HAO1: variants seen among roughly 807,000 people sequenced by gnomAD.
HAO1 encodes the protein hydroxyacid oxidase 1, also known as 2-Hydroxyacid oxidase 1.
In HAO1, 34 loss-of-function variants were observed where a neutral mutation model predicts 39.7. The ratio of observed to expected loss-of-function variants is 0.86; its 90% CI spans 0.65 to 1.14. The LOEUF is 1.14. Ranked by LOEUF, HAO1 falls within the 50% of genes most tolerant of loss-of-function variation. The pLI is 0.00. For synonymous variants in HAO1, 172 were observed against 173.2 expected (o/e 0.99, Z 0.05); for missense variants, 479 against 464.5 (o/e 1.03, Z -0.29).
chr20:7,925,405 T>C (rs1407936018), intron 2 of HAO1, among the ~76,000 whole-genome samples: 1 of 152,160 alleles, frequency 6.6e-6, no homozygotes, highest in East Asian at 1.9e-4. Flanking sequence ...TTTTTACTTA[T>C]GAAAATATTT....
In HAO1 at chr20:7,885,805, G is replaced by A. The variant is rs770281323; in HGVS notation, c.873C>T (p.Asp291=). Reference sequence around the variant, plus strand: ...CATCAGTGCCTTTCCGCACACCCCCGTCCAGGAAGACTTCCACCTTCCCTT... The same window carrying A: ...CATCAGTGCCTTTCCGCACACCCCCATCCAGGAAGACTTCCACCTTCCCTT... The part of the protein sequence containing the change: ...AVEGKVEVFL[D]GGVRKGTDVL... The change falls in exon 6 of 8, where the codon GAC becomes GAT. Residue 291 remains aspartate (D), a synonymous_variant. Transcript: ENST00000378789. 9.3e-6 allele frequency: 15 copies of A among 1,613,062 alleles called. No individual in the cohort carries two copies. Among genetic ancestry groups the A allele is most frequent in the Admixed American group, 6.7e-5 (4 of 59,978 alleles).
At chr20:7,900,684 C>A (rs892729836) in intron 4 of HAO1, among the ~76,000 whole-genome samples, 2 of 152,114 alleles carry the variant, frequency 1.3e-5, no homozygotes, top group African/African-American at 4.8e-5. Flanking sequence ...CTCAGGCCTC[C>A]CTATTCCCTG....
At chr20:7,888,018 C>G (rs1600104596) in intron 5 of HAO1, among the ~76,000 whole-genome samples, 1 of 152,096 alleles carries the variant, frequency 6.6e-6, no homozygotes. Flanking sequence ...TTATGTTTCC[C>G]TCTTTTCAGC....
At chr20:7,940,198 A>C in intron 1 of HAO1, 88 bp downstream of exon 1, 2 of 1,076,336 alleles carry the variant, frequency 1.9e-6, no homozygotes, top group Non-Finnish European at 2.6e-6. Flanking sequence ...AAATAATTAC[A>C]CACCACCAAC....
chr20:7,907,432 A>C (rs1425030183), intron 3 of HAO1, among the ~76,000 whole-genome samples: 1 of 152,130 alleles, frequency 6.6e-6, no homozygotes, highest in Non-Finnish European at 1.5e-5. Context: ...AGCAGGGTTA[A>C]GCTTCAGTTG....
chr20:7,908,695 A>T (rs2050261061), intron 3 of HAO1, among the ~76,000 whole-genome samples: 1 of 152,140 alleles, frequency 6.6e-6, no homozygotes, highest in South Asian at 2.1e-4. Context: ...AATTTCATTG[A>T]GTCATATGGA....
chr20:7,885,727 G>T lies in HAO1; in HGVS notation c.951C>A (p.Ile317=), dbSNP rs146949214. The T allele has an allele frequency of 6.2e-7, 1 of 1,613,232 alleles. No individual in the cohort carries two copies. The highest frequency in any genetic ancestry group is 1.3e-5 in the African/African-American group (1 of 74,962). ...TTACCTGGAAAGCTAAGCCCCAAAC[G>T]ATTGGTCTCCCCACAAACACAGCCT... ...GAKAVFVGRP[I]VWGLAFQGEK... Residue 317 remains isoleucine (I), a synonymous_variant, in exon 6 of 8, where the codon ATC becomes ATA. Coordinates refer to ENST00000378789, the MANE Select transcript of HAO1 (RefSeq NM_017545.3).
chr20:7,911,742 C>A (rs889345444), intron 3 of HAO1, among the ~76,000 whole-genome samples: 2 of 152,360 alleles, frequency 1.3e-5, no homozygotes, highest in South Asian at 4.1e-4. Context: ...AGGAGCCATG[C>A]TTTACAGGCT....
At chr20:7,939,913 A>G (rs970300745) in intron 1 of HAO1, among the ~76,000 whole-genome samples, 2 of 152,236 alleles carry the variant, frequency 1.3e-5, no homozygotes, top group Non-Finnish European at 2.9e-5. Flanking sequence ...TCATCCGGAT[A>G]AGATGGTTAT....
intron 5 of HAO1, among the ~76,000 whole-genome samples, chr20:7,888,666 G>T (rs2050160992): frequency 6.6e-6 from 1 of 152,072 alleles, no homozygotes; most frequent in African/African-American, 2.4e-5. Flanking sequence ...ACATTTTGCT[G>T]ATTGTTTGCA....
chr20:7,926,881 G>A (rs564144302), intron 2 of HAO1, among the ~76,000 whole-genome samples: 3 of 150,658 alleles, frequency 2.0e-5, no homozygotes, highest in South Asian at 4.2e-4. Flanking sequence ...TTTTTTGACA[G>A]TTTAATAAGA....
chr20:7,914,779 G>A (rs2050298912), intron 2 of HAO1, among the ~76,000 whole-genome samples: 1 of 152,072 alleles, frequency 6.6e-6, no homozygotes, highest in South Asian at 2.1e-4. Context: ...TAGGGGATTG[G>A]TTAAATTGTA....
In HAO1 at chr20:7,883,181, G is replaced by A. The variant is rs779831474; in HGVS notation, c.*412C>T. Reference sequence around the variant, plus strand: ...GGCATTACCAACACTTTGAACCTGAGCTTACAATTTAAGAACCACTGTTTT... The same window carrying A: ...GGCATTACCAACACTTTGAACCTGAACTTACAATTTAAGAACCACTGTTTT... On this transcript the variant is annotated 3_prime_UTR_variant, in exon 8 of 8. Coordinates refer to ENST00000378789, the MANE Select transcript of HAO1 (RefSeq NM_017545.3). The A allele has an allele frequency of 1.7e-5, 3 of 171,926 alleles. No individual in the cohort carries two copies. The highest frequency in any genetic ancestry group is 7.1e-5 in the African/African-American group (3 of 42,154). The allele number at this position is 171,926 out of a possible 1,614,324, so 10.7% of individuals were successfully genotyped here.
rs1470390794 is a variant in HAO1, at chr20:7,883,661, A to G, written c.1045T>C (p.Cys349Arg). ...TTGTCGATGACTTTCACATTCTGGC[A>G]CCCTGAAAAAATAATGCATACATTT... Reference protein sequence around the residue: ...EFRLAMALSGCQNVKVIDKTL... With the variant: ...EFRLAMALSGRQNVKVIDKTL... The change falls in exon 8 of 8, where the codon TGC becomes CGC. Residue 349 changes from cysteine to arginine, a missense_variant and splice_region_variant. By Grantham distance (180) the Cys-to-Arg change is radical. Transcript: ENST00000378789. The G allele has an allele frequency of 3.1e-6, 5 of 1,608,224 alleles. No homozygotes were observed. Among genetic ancestry groups the G allele is most frequent in the Non-Finnish European group, 4.3e-6 (5 of 1,174,694 alleles).
intron 5 of HAO1, among the ~76,000 whole-genome samples, chr20:7,894,137 G>A (rs2050186170): frequency 6.6e-6 from 1 of 152,070 alleles, no homozygotes; most frequent in Admixed American, 6.5e-5. Context: ...CCCACCAACG[G>A]CCCCCGGCCC....
chr20:7,920,771 C>T (rs79398907), intron 2 of HAO1, among the ~76,000 whole-genome samples: 7,325 of 152,198 alleles, frequency 0.048, 201 homozygotes, highest in Non-Finnish European at 0.065. Flanking sequence ...ATCCATTCAT[C>T]TGTCAATGGA....
At position 7,893,533 on chromosome 20, in the gene HAO1, C is replaced by T. The variant is rs995025807; in HGVS notation, c.813+1600G>A. 3.9e-5 allele frequency among the ~76,000 whole-genome samples: 6 copies of T among 152,190 alleles called. No homozygotes were observed. In the South Asian group the frequency reaches 6.2e-4, roughly 16 times the overall value. On this transcript the variant is annotated intron_variant, in intron 5 of 7. Coordinates refer to ENST00000378789, the MANE Select transcript of HAO1 (RefSeq NM_017545.3). Reference sequence around the variant, plus strand: ...GGGGATAACGTCACCATTGTAAAACCGAAAAGCAATGCTTGAGATGTTTTG... The same window carrying T: ...GGGGATAACGTCACCATTGTAAAACTGAAAAGCAATGCTTGAGATGTTTTG...
At chr20:7,888,126 G>A (rs1053748157) in intron 5 of HAO1, among the ~76,000 whole-genome samples, 2 of 152,056 alleles carry the variant, frequency 1.3e-5, no homozygotes, top group African/African-American at 4.8e-5. Context: ...TAATCTCCAG[G>A]AAAATATGGT....
chr20:7,892,287 A>G (rs1196530037), intron 5 of HAO1, among the ~76,000 whole-genome samples: 1 of 152,074 alleles, frequency 6.6e-6, no homozygotes, highest in African/African-American at 2.4e-5. Flanking sequence ...GGTTTCACAC[A>G]TCGGCCAGGC....
Sources: gnomAD v4.1 joint callset for allele counts (sites outside exome capture counted in the v4.1 genomes callset) on GRCh38, gnomAD v4.1.1 for gene constraint, MANE v1.5 for transcripts, NCBI Gene and HGNC (gene_info 2026-07-23, HGNC 2026-07-21) for gene names.